The following NPC1 variants were observed in gnomAD, a reference collection of about 807,000 sequenced individuals.
NPC1 encodes the protein Niemann-Pick C1 protein.
NPC1 carries 85 observed loss-of-function variants against 140.4 expected under a neutral mutation model. That is an observed-to-expected ratio of 0.61 (90% CI 0.51 to 0.72). The LOEUF (loss-of-function observed/expected upper bound fraction) is 0.72. NPC1 is among the 30% of genes least tolerant of loss of function. The pLI, the probability that NPC1 is intolerant of heterozygous loss-of-function variation, is 0.00. For missense variants in NPC1, 1,504 were observed against 1,623.8 expected, an observed-to-expected ratio of 0.93 and a Z score of 1.27; for synonymous variants, 656 against 624.8, an observed-to-expected ratio of 1.05 and a Z score of -0.74.
rs2058763448 is a variant in NPC1 at position 23,544,943 on chromosome 18, A to AACC, written c.1947+16_1947+17insGGT. 2 of 1,042,302 alleles carry AACC rather than the reference A, an allele frequency of 1.9e-6. No homozygotes were observed. The highest frequency in any genetic ancestry group is 1.4e-6 in the Non-Finnish European group (1 of 717,076). The allele number at this position is 1,042,302 out of a possible 1,614,324, so 64.6% of individuals were successfully genotyped here. On this transcript the variant is annotated intron_variant, in intron 12 of 24. Coordinates refer to ENST00000269228, the MANE Select transcript of NPC1 (RefSeq NM_000271.5). ...GCTGTTAACCTCTAGAACATACACC[A>AACC]CCCCCCCCCGGCTTACCAGAAGCCT... is the stretch of plus-strand genomic sequence containing the variant.
chr18:23,553,904 G>A (rs1014818245), intron 9 of NPC1, among the ~76,000 whole-genome samples: 1 of 152,176 alleles, frequency 6.6e-6, no homozygotes, highest in Non-Finnish European at 1.5e-5. Context: ...ACTCCTCAGA[G>A]GGAGGCTGCC....
intron 21 of NPC1, among the ~76,000 whole-genome samples, chr18:23,536,021 C>G (rs2058625268): frequency 6.6e-6 from 1 of 152,168 alleles, no homozygotes; most frequent in African/African-American, 2.4e-5. Flanking sequence ...AACAAAGAAT[C>G]CTGATCTATC....
In NPC1 at chr18:23,532,061, GCGCTACGTTC is replaced by G; in HGVS notation, c.*131_*140del. The G allele has an allele frequency of 6.3e-7, 1 of 1,597,536 alleles. No individual in the cohort carries two copies. The highest frequency in any genetic ancestry group is 2.3e-5 in the East Asian group (1 of 44,256). ...CAACTGTGCATTCCTGAGTTCACAGGCGCTACGTTCAAAGCTGCTGCCAAACAACCGATGG... is the reference window on the plus strand; with the variant it reads ...CAACTGTGCATTCCTGAGTTCACAGGAAAGCTGCTGCCAAACAACCGATGG... On this transcript the variant is annotated 3_prime_UTR_variant, in exon 25 of 25. Transcript: ENST00000269228.
downstream of NPC1, chr18:23,520,314 G>A (rs1277287190): frequency 1.2e-6 from 2 of 1,609,116 alleles, no homozygotes; most frequent in Non-Finnish European, 8.5e-7. Context: ...CCCATCACAG[G>A]TAACACGGGT....
chr18:23,577,255 G>A (rs1389905769), intron 1 of NPC1, among the ~76,000 whole-genome samples: 2 of 140,482 alleles, frequency 1.4e-5, no homozygotes, highest in African/African-American at 2.8e-5. Context: ...ACAGAGTGCC[G>A]ATTGGTGTAT....
chr18:23,515,086 C>T (rs1449003242), intron 3 of NPC1, among the ~76,000 whole-genome samples: 1 of 152,090 alleles, frequency 6.6e-6, no homozygotes, highest in Non-Finnish European at 1.5e-5. Flanking sequence ...GGCAGATCTG[C>T]CATGGTCTGG....
chr18:23,526,806 G>C (rs1184592491), downstream of NPC1: 6 of 1,605,134 alleles, frequency 3.7e-6, no homozygotes, highest in Non-Finnish European at 5.1e-6. Flanking sequence ...TCCAGTGTGA[G>C]GCCTGTGCTG....
At chr18:23,579,344 T>C (rs1212488298) in intron 1 of NPC1, among the ~76,000 whole-genome samples, 1 of 152,230 alleles carries the variant, frequency 6.6e-6, no homozygotes, top group Non-Finnish European at 1.5e-5. Context: ...CTGGTGTTCA[T>C]GGATGCAGAA....
Position 23,547,986 on chromosome 18 carries a change from C to T in NPC1, c.1757+20G>A. 7.3e-7 allele frequency: 1 copy of T among 1,365,502 alleles called. No individual in the cohort carries two copies. Among genetic ancestry groups the T allele is most frequent in the South Asian group, 1.2e-5 (1 of 86,056 alleles). The allele number at this position is 1,365,502 out of a possible 1,614,324, so 84.6% of individuals were successfully genotyped here. A position where few individuals can be genotyped will look rare whatever the true frequency, so the allele number is the denominator to read the frequency against. ...TCCCACAATGCAAGGACAGTCTGCT[C>T]ACACCCATGAGTGACTCACTCTTTT... On this transcript the variant is annotated intron_variant, in intron 11 of 24. Coordinates refer to ENST00000269228, the MANE Select transcript of NPC1 (RefSeq NM_000271.5).
At position 23,556,321 on chromosome 18, in the gene NPC1, G is replaced by A; in HGVS notation, c.1248C>T (p.Asp416=). The change falls in exon 8 of 25, where the codon GAC becomes GAT. Residue 416 remains aspartate, a synonymous_variant. Coordinates refer to ENST00000269228, the MANE Select transcript of NPC1 (RefSeq NM_000271.5). ...AAGGGTATGGCTGGTAAATGTGTTT[G>A]TCAGTGAGAGGGGCCCGGATGATGA... ...EQLIIRAPLT[D]KHIYQPYPSG... 1 of 1,614,086 alleles carries A rather than the reference G, an allele frequency of 6.2e-7. No individual in the cohort carries two copies. Among genetic ancestry groups the A allele is most frequent in the South Asian group, 1.1e-5 (1 of 91,074 alleles).
chr18:23,541,019 T>A (rs772701347), intron 16 of NPC1, 49 bp downstream of exon 16: 20 of 1,603,118 alleles, frequency 1.2e-5, no homozygotes, highest in Non-Finnish European at 1.7e-5. Flanking sequence ...AGGCATGTGA[T>A]AATCTGTTTC....
intron 1 of NPC1, among the ~76,000 whole-genome samples, chr18:23,576,044 A>AG (rs1004886742): frequency 1.3e-5 from 2 of 152,088 alleles, no homozygotes; most frequent in African/African-American, 4.8e-5. Flanking sequence ...ACCGACATGG[A>AG]GAAACCCTGT....
At chr18:23,512,294 T>G (rs933833638) in intron 3 of NPC1, among the ~76,000 whole-genome samples, 1 of 152,204 alleles carries the variant, frequency 6.6e-6, no homozygotes, top group Non-Finnish European at 1.5e-5. Context: ...GTGCTGGGAT[T>G]ACAGGCGTGA....
rs538576941 is a variant in NPC1 at position 23,512,664 on chromosome 18, T to A, written c.432-6022A>T. Among the ~76,000 whole-genome samples the A allele has an allele frequency of 5.3e-5, 8 of 151,922 alleles. 1 individual carries two copies. Among genetic ancestry groups the A allele is most frequent in the Non-Finnish European group, 8.8e-5 (6 of 67,982 alleles). On this transcript the variant is annotated intron_variant, in intron 3 of 3. Coordinates refer to the NPC1 transcript ENST00000591107. ...CTAGACTGGTCTTGAACTCCTAGGT[T>A]CAAGCCATTCTTCTGCCTTGGCCTC...
chr18:23,554,295 C>T (rs1273460137), intron 9 of NPC1, among the ~76,000 whole-genome samples: 1 of 152,120 alleles, frequency 6.6e-6, no homozygotes, highest in African/African-American at 2.4e-5. Context: ...GTTCATCAAC[C>T]GTCTCCCTCC....
rs2059213166 is a variant in NPC1 at position 23,572,140 on chromosome 18, C to T, written c.221G>A (p.Cys74Tyr). 1.2e-6 allele frequency: 2 copies of T among 1,613,638 alleles called. No homozygotes were observed. The highest frequency in any genetic ancestry group is 1.7e-6 in the Non-Finnish European group (2 of 1,179,730). The change falls in exon 3 of 25, where the codon TGT becomes TAT. Residue 74 changes from cysteine to tyrosine, a missense_variant. By Grantham distance (194) the Cys-to-Tyr change is radical. Coordinates refer to ENST00000269228, the MANE Select transcript of NPC1 (RefSeq NM_000271.5). ...TGTCTGAAGCTGCCGAACATCACAA[C>T]AGAGACTGACATTGCCAAAGAAGAA... The part of the protein sequence containing the change: ...PGFFFGNVSL[C>Y]CDVRQLQTLK...
At chr18:23,520,703 T>A (rs1652339), downstream of NPC1, among the ~76,000 whole-genome samples, 26 of 152,068 alleles carry the variant, frequency 1.7e-4, no homozygotes, top group African/African-American at 5.6e-4. Context: ...TGGCATGATC[T>A]CGGCTCACTG....
intron 20 of NPC1, among the ~76,000 whole-genome samples, 185 bp downstream of exon 20, chr18:23,538,357 T>G (rs939463950): frequency 3.3e-5 from 5 of 152,212 alleles, no homozygotes; most frequent in Non-Finnish European, 2.9e-5. Flanking sequence ...CAGAATCAGT[T>G]GAACACTATG....
intron 1 of NPC1, chr18:23,524,292 G>A: frequency 6.7e-7 from 1 of 1,490,236 alleles, no homozygotes; most frequent in South Asian, 1.1e-5. Flanking sequence ...CACCCCGCAG[G>A]CAGCTTCCCT....
Sources: allele counts gnomAD v4.1 joint callset (sites outside exome capture counted in the v4.1 genomes callset), GRCh38; gene constraint gnomAD v4.1.1; transcripts MANE v1.5; gene names NCBI Gene and HGNC (gene_info 2026-07-23, HGNC 2026-07-21).